Variants in AFAP1 observed in about 807,000 individuals in gnomAD.
The protein encoded by AFAP1 is actin filament associated protein 1, also known as actin filament-associated protein 1.
In AFAP1, 75 loss-of-function variants were observed where a neutral mutation model predicts 93.9. The ratio of observed to expected loss-of-function variants is 0.80; its 90% CI spans 0.66 to 0.97. The LOEUF (loss-of-function observed/expected upper bound fraction) is 0.97, where lower values mean the gene tolerates loss of function less well. Ranked by LOEUF, AFAP1 falls within the 50% of genes least tolerant of loss-of-function variation. AFAP1 has a pLI of 0.00. For synonymous variants in AFAP1, 517 were observed against 430.7 expected, an observed-to-expected ratio of 1.20 and a Z score of -2.48; for missense variants, 1,201 against 1,050.8, an observed-to-expected ratio of 1.14 and a Z score of -1.98.
intron 1 of AFAP1, among the ~76,000 whole-genome samples, chr4:7,872,939 T>TA (rs1181240219): frequency 0.054 from 5,961 of 110,006 alleles, 242 homozygotes; most frequent in Non-Finnish European, 0.081. Flanking sequence ...TTTTTTTTTT[T>TA]AAAAAAAAAA....
intron 2 of AFAP1, among the ~76,000 whole-genome samples, chr4:7,869,990 G>A (rs1212042738): frequency 6.6e-6 from 1 of 152,156 alleles, no homozygotes; most frequent in Non-Finnish European, 1.5e-5. Context: ...TGGGCGGAGG[G>A]AAAAGACAGG....
intron 6 of AFAP1, among the ~76,000 whole-genome samples, chr4:7,829,016 C>T (rs530202020): frequency 2.0e-5 from 3 of 152,326 alleles, no homozygotes; most frequent in South Asian, 4.1e-4. Flanking sequence ...ACTGAGCTCT[C>T]AGGAGATCTG....
intron 12 of AFAP1, among the ~76,000 whole-genome samples, chr4:7,784,710 G>A (rs796126124): frequency 1.1e-4 from 16 of 152,220 alleles, no homozygotes; most frequent in African/African-American, 3.6e-4. Flanking sequence ...TGCGTCCATC[G>A]TGGCTCCTGA....
chr4:7,801,147 A>G (rs994500885), intron 9 of AFAP1, among the ~76,000 whole-genome samples: 6 of 152,230 alleles, frequency 3.9e-5, no homozygotes, highest in Non-Finnish European at 7.3e-5. Context: ...AAAACTTTCC[A>G]AGAAATAGGA....
intron 1 of AFAP1, among the ~76,000 whole-genome samples, chr4:7,911,187 G>T (rs1210830557): frequency 2.0e-5 from 3 of 152,170 alleles, no homozygotes; most frequent in African/African-American, 7.2e-5. Context: ...CTGGGGGAAG[G>T]CTGACTAGCG....
intron 6 of AFAP1, among the ~76,000 whole-genome samples, chr4:7,831,387 A>G (rs1332969082): frequency 3.0e-5 from 4 of 134,992 alleles, no homozygotes; most frequent in Non-Finnish European, 4.9e-5. Flanking sequence ...AAAAATCAGC[A>G]AATGCTAAAA....
chr4:7,817,873 C>T (rs535603858), intron 7 of AFAP1, among the ~76,000 whole-genome samples: 1 of 151,402 alleles, frequency 6.6e-6, no homozygotes, highest in South Asian at 2.1e-4. Context: ...AGTGTTAAGA[C>T]GAGCTGCATC....
chr4:7,860,293 G>GCC (rs1715530679), intron 3 of AFAP1, among the ~76,000 whole-genome samples: 2 of 126,564 alleles, frequency 1.6e-5, no homozygotes, highest in Admixed American at 8.9e-5. Flanking sequence ...ATGTGTGACA[G>GCC]GGGGGTGGAT....
At chr4:7,822,148 C>T (rs1000184661) in intron 6 of AFAP1, among the ~76,000 whole-genome samples, 3 of 152,142 alleles carry the variant, frequency 2.0e-5, no homozygotes, top group African/African-American at 7.2e-5. Flanking sequence ...ACTTTCTTTT[C>T]ACTAGGGAAG....
intron 4 of AFAP1, among the ~76,000 whole-genome samples, chr4:7,853,547 C>T (rs953089355): frequency 6.6e-6 from 1 of 152,144 alleles, no homozygotes; most frequent in East Asian, 1.9e-4. Context: ...TCCCGGCTGC[C>T]GGCCCGACCA....
chr4:7,886,130 T>A (rs1351816703), intron 1 of AFAP1, among the ~76,000 whole-genome samples: 1 of 152,226 alleles, frequency 6.6e-6, no homozygotes, highest in African/African-American at 2.4e-5. Flanking sequence ...CTGGACTGCA[T>A]CTAAAATTCT....
At chr4:7,832,364 G>A (rs1414013893) in intron 6 of AFAP1, among the ~76,000 whole-genome samples, 1 of 151,966 alleles carries the variant, frequency 6.6e-6, no homozygotes, top group East Asian at 1.9e-4. Context: ...GTCCTGAGCA[G>A]CTGGCAGACA....
intron 1 of AFAP1, among the ~76,000 whole-genome samples, chr4:7,880,700 G>T (rs1194260558): frequency 1.3e-5 from 2 of 152,218 alleles, no homozygotes; most frequent in Non-Finnish European, 2.9e-5. Context: ...CAGTCAAAGC[G>T]TTCCTTGCTG....
chr4:7,769,585 T>C (rs1179458293), intron 16 of AFAP1, among the ~76,000 whole-genome samples: 3 of 151,950 alleles, frequency 2.0e-5, no homozygotes, highest in African/African-American at 7.3e-5. Flanking sequence ...ACAACATGTG[T>C]CCTGAGCTGC....
rs570476754 is a variant in AFAP1 at position 7,937,643 on chromosome 4, T to C, written c.-3+2013A>G. On this transcript the variant is annotated intron_variant, in intron 1 of 17. Coordinates refer to ENST00000420658, the MANE Select transcript of AFAP1 (RefSeq NM_001134647.2). The stretch of plus-strand genomic sequence containing the variant: ...CTGCGATTACAGGCACCCACCACCA[T>C]GCCCGGCTAATTTTTGTATTTTTAG... 6.6e-3 allele frequency among the ~76,000 whole-genome samples: 1,008 copies of C among 152,230 alleles called. 15 individuals are homozygous for C. Among genetic ancestry groups the C allele is most frequent in the African/African-American group, 0.023 (959 of 41,540 alleles).
rs561879038 is a variant in AFAP1 at position 7,770,354 on chromosome 4, G to A, written c.2254-1346C>T. On this transcript the variant is annotated intron_variant, in intron 16 of 17. Transcript: ENST00000420658. Reference sequence around the variant, plus strand: ...AGCTGTGCCGAAGGGCACCGGAACCGGGGAGTGAGGACTAACATGTCCACT... The same window carrying A: ...AGCTGTGCCGAAGGGCACCGGAACCAGGGAGTGAGGACTAACATGTCCACT... Among the ~76,000 whole-genome samples the A allele has an allele frequency of 8.6e-4, 131 of 152,284 alleles. 2 individuals carry two copies. Among genetic ancestry groups the A allele is most frequent in the South Asian group, 2.3e-3 (11 of 4,824 alleles).
chr4:7,845,938 G>T (rs183816548), intron 4 of AFAP1, among the ~76,000 whole-genome samples: 1 of 152,188 alleles, frequency 6.6e-6, no homozygotes. Context: ...CATGGAGCCG[G>T]GCACGAGGGG....
intron 14 of AFAP1, chr4:7,775,596 T>C (rs1318476359): frequency 6.7e-6 from 1 of 148,654 alleles, no homozygotes; most frequent in African/African-American, 2.6e-5. Flanking sequence ...CGGCACGGAG[T>C]GTGGCACAAT....
chr4:7,930,380 GCTCAATCTCTCATTGGCCACCGGTGGCTA>G (rs1560241935), intron 1 of AFAP1, among the ~76,000 whole-genome samples: 1 of 3,020 alleles, frequency 3.3e-4, no homozygotes, highest in Non-Finnish European at 5.7e-4. Context: ...CCGGTGGCTA[GCTCAATCTCTCATTGGCCACCGGTGGCTA>G]GCTCAATCTC....
Sources: gnomAD v4.1 joint callset for allele counts (sites outside exome capture counted in the v4.1 genomes callset) on GRCh38, gnomAD v4.1.1 for gene constraint, MANE v1.5 for transcripts, NCBI Gene and HGNC (gene_info 2026-07-23, HGNC 2026-07-21) for gene names.